DCC: variants seen among roughly 807,000 people sequenced by gnomAD.
DCC encodes the protein netrin receptor DCC.
DCC carries 58 observed loss-of-function variants against 172.5 expected under a neutral mutation model. The observed-to-expected ratio is 0.34, with a 90% CI of 0.27 to 0.42. DCC has a LOEUF of 0.42. Among genes scored for constraint, DCC ranks in the 10% least tolerant of loss-of-function variants. The pLI is 1.00. For missense variants in DCC, 1,740 were observed against 1,791.0 expected (o/e 0.97, Z 0.51); for synonymous variants, 709 against 644.5 (o/e 1.10, Z -1.52).
intron 1 of DCC, among the ~76,000 whole-genome samples, chr18:52,712,342 A>T (rs956090928): frequency 6.6e-6 from 1 of 152,208 alleles, no homozygotes; most frequent in Non-Finnish European, 1.5e-5. Context: ...ATATTTTTAT[A>T]TTGTAATATA....
chr18:52,536,774 C>G (rs1261128037), intron 1 of DCC, among the ~76,000 whole-genome samples: 1 of 152,104 alleles, frequency 6.6e-6, no homozygotes, highest in African/African-American at 2.4e-5. Flanking sequence ...TGAAATTGCT[C>G]TTATTTGAAG....
chr18:52,919,839 T>C (rs866164411), intron 3 of DCC, among the ~76,000 whole-genome samples: 1 of 151,932 alleles, frequency 6.6e-6, no homozygotes, highest in African/African-American at 2.4e-5. Flanking sequence ...AGACTTACTA[T>C]AAAGTTACAA....
intron 20 of DCC, among the ~76,000 whole-genome samples, chr18:53,413,009 G>T (rs1046162627): frequency 1.3e-5 from 2 of 152,046 alleles, no homozygotes; most frequent in African/African-American, 4.8e-5. Flanking sequence ...TCCTCCCCAG[G>T]GTCCCACTGG....
intron 5 of DCC, among the ~76,000 whole-genome samples, chr18:53,013,934 T>C (rs568722677): frequency 2.0e-5 from 3 of 152,310 alleles, no homozygotes; most frequent in Non-Finnish European, 2.9e-5. Flanking sequence ...TAACCATAGA[T>C]AGATACTTAT....
chr18:52,346,919 C>T (rs1226993139), intron 1 of DCC, among the ~76,000 whole-genome samples: 1 of 152,156 alleles, frequency 6.6e-6, no homozygotes, highest in Non-Finnish European at 1.5e-5. Context: ...GTCATTTCAC[C>T]ATGGCCCTCC....
intron 1 of DCC, among the ~76,000 whole-genome samples, chr18:52,435,716 C>T (rs1284190029): frequency 6.6e-6 from 1 of 152,188 alleles, no homozygotes; most frequent in East Asian, 1.9e-4. Context: ...CAGGTTTGTT[C>T]TGGCCTCTGT....
At chr18:52,796,608 G>T (rs112921778) in intron 2 of DCC, among the ~76,000 whole-genome samples, 1 of 152,010 alleles carries the variant, frequency 6.6e-6, no homozygotes, top group Non-Finnish European at 1.5e-5. Flanking sequence ...TGGCTAAAAG[G>T]TACTTGTTTT....
In DCC at chr18:53,362,538, A is replaced by C. The variant is rs76071653; in HGVS notation, c.2359+22631A>C. ...GCCACTCATGGCCTTCACAAGAAAA[A>C]GTGTAGGAAGAGAAAACAGATCTTG... is the stretch of plus-strand genomic sequence containing the variant. On this transcript the variant is annotated intron_variant, in intron 15 of 28. Transcript: ENST00000442544. 1.6e-4 allele frequency among the ~76,000 whole-genome samples: 24 copies of C among 152,312 alleles called. 2 individuals are homozygous for C. The East Asian group carries it at 4.2e-3, about 27-fold the overall frequency.
chr18:52,389,548 A>G (rs889203765), intron 1 of DCC, among the ~76,000 whole-genome samples: 1 of 152,104 alleles, frequency 6.6e-6, no homozygotes, highest in Non-Finnish European at 1.5e-5. Context: ...AGATTGAGAA[A>G]TTCTGAATTA....
chr18:52,585,900 G>A (rs968277967), intron 1 of DCC, among the ~76,000 whole-genome samples: 86 of 152,032 alleles, frequency 5.7e-4, no homozygotes, highest in African/African-American at 1.9e-3. Context: ...TGGCTAACAC[G>A]GTGAAACCCC....
chr18:52,797,713 C>A (rs1054123766), intron 2 of DCC, among the ~76,000 whole-genome samples: 2 of 152,162 alleles, frequency 1.3e-5, no homozygotes, highest in African/African-American at 4.8e-5. Flanking sequence ...GTAGGTTGAA[C>A]TTATACTCTG....
At chr18:52,764,212 C>T (rs527265962) in intron 2 of DCC, among the ~76,000 whole-genome samples, 28 of 152,304 alleles carry the variant, frequency 1.8e-4, no homozygotes, top group Admixed American at 5.2e-4. Flanking sequence ...TTCTTCTTAA[C>T]TTGTAAATAT....
At chr18:53,098,382 A>G (rs896083673) in intron 7 of DCC, among the ~76,000 whole-genome samples, 30 of 152,160 alleles carry the variant, frequency 2.0e-4, no homozygotes, top group Admixed American at 3.9e-4. Context: ...CATTCATTGT[A>G]CATAGTTTTC....
intron 2 of DCC, among the ~76,000 whole-genome samples, chr18:52,893,966 C>A (rs1381018877): frequency 6.6e-6 from 1 of 152,142 alleles, no homozygotes; most frequent in African/African-American, 2.4e-5. Flanking sequence ...TTCGAACTCA[C>A]TGCTTCCCAT....
chr18:52,699,141 T>A (rs1274110437), intron 1 of DCC, among the ~76,000 whole-genome samples: 1 of 152,116 alleles, frequency 6.6e-6, no homozygotes, highest in Non-Finnish European at 1.5e-5. Flanking sequence ...ATGAGCAAAA[T>A]CTTCCACAAA....
chr18:52,820,308 A>G (rs2038382630), intron 2 of DCC, among the ~76,000 whole-genome samples: 1 of 152,184 alleles, frequency 6.6e-6, no homozygotes, highest in Non-Finnish European at 1.5e-5. Flanking sequence ...AAAAGAAAAA[A>G]CGATGAAAAT....
At chr18:52,421,526 G>C (rs1459606379) in intron 1 of DCC, among the ~76,000 whole-genome samples, 3 of 152,166 alleles carry the variant, frequency 2.0e-5, no homozygotes, top group Non-Finnish European at 2.9e-5. Flanking sequence ...TGCTGCTGCT[G>C]CCCCAGCCCT....
chr18:53,273,528 C>T (rs936603156), intron 12 of DCC, among the ~76,000 whole-genome samples: 7 of 152,162 alleles, frequency 4.6e-5, no homozygotes, highest in South Asian at 2.1e-4. Context: ...CATAGTCCTT[C>T]GGTCAAGAAA....
chr18:52,561,645 C>T (rs1046659566), intron 1 of DCC, among the ~76,000 whole-genome samples: 40 of 152,258 alleles, frequency 2.6e-4, no homozygotes, highest in Admixed American at 1.6e-3. Flanking sequence ...GATTCCCTCA[C>T]TTGCCTACTG....
Sources: allele counts gnomAD v4.1 joint callset (sites outside exome capture counted in the v4.1 genomes callset), GRCh38; gene constraint gnomAD v4.1.1; transcripts MANE v1.5; gene names NCBI Gene and HGNC (gene_info 2026-07-23, HGNC 2026-07-21).